Variants in MLLT3 observed in about 807,000 individuals in gnomAD.
The protein encoded by MLLT3 is protein AF-9.
A neutral mutation model predicts 53.2 loss-of-function variants in MLLT3; 4 were observed. That is an observed-to-expected ratio of 0.08 (90% CI 0.04 to 0.17). The LOEUF is 0.17. Among genes scored for constraint, MLLT3 ranks in the 10% least tolerant of loss-of-function variants. The pLI is 1.00. For synonymous variants in MLLT3, 283 were observed against 230.6 expected (o/e 1.23, Z -2.06); for missense variants, 569 against 684.0 (o/e 0.83, Z 1.87).
chr9:20,487,403 C>A (rs1018547654), intron 2 of MLLT3, among the ~76,000 whole-genome samples: 9 of 152,040 alleles, frequency 5.9e-5, no homozygotes, highest in Non-Finnish European at 7.4e-5. Flanking sequence ...AAGTTATTTA[C>A]AAAATAAATT....
intron 5 of MLLT3, among the ~76,000 whole-genome samples, chr9:20,376,088 C>T (rs1332062297): frequency 1.3e-5 from 2 of 152,018 alleles, no homozygotes; most frequent in Non-Finnish European, 2.9e-5. Context: ...CCCATAATAT[C>T]CAAGAAAAAA....
intron 4 of MLLT3, among the ~76,000 whole-genome samples, chr9:20,433,025 C>T (rs370317153): frequency 1.2e-4 from 18 of 151,950 alleles, no homozygotes; most frequent in Non-Finnish European, 2.2e-4. Context: ...TTGGAGCTAA[C>T]GCAAGTGATG....
intron 3 of MLLT3, among the ~76,000 whole-genome samples, chr9:20,452,442 T>C (rs1442262549): frequency 6.6e-6 from 1 of 152,206 alleles, no homozygotes; most frequent in African/African-American, 2.4e-5. Flanking sequence ...TGTAAGTTTC[T>C]TGAGGCCTTC....
intron 2 of MLLT3, among the ~76,000 whole-genome samples, chr9:20,467,903 A>C (rs909185896): frequency 1.3e-5 from 2 of 152,382 alleles, no homozygotes; most frequent in African/African-American, 4.8e-5. Context: ...ACTTAAATCA[A>C]GGGCTCATTG....
chr9:20,456,866 T>C lies in MLLT3; in HGVS notation c.194-80A>G, dbSNP rs3906160. The C allele has an allele frequency of 4.3e-3, 4,616 of 1,067,226 alleles. 14 individuals carry two copies. The highest frequency in any genetic ancestry group is 5.7e-3 in the Admixed American group (216 of 37,794). 66.1% of individuals were successfully genotyped at this position (1,067,226 alleles called of 1,614,324 possible). Reference sequence around the variant, plus strand: ...TCTTCTTTTAAAAAAAAAAATCCCATTCTACCATCTAGATCACACGCAATT... The same window carrying C: ...TCTTCTTTTAAAAAAAAAAATCCCACTCTACCATCTAGATCACACGCAATT... On this transcript the variant is annotated intron_variant, in intron 2 of 10. Transcript: ENST00000380338.
chr9:20,607,899 G>T (rs989624171), intron 2 of MLLT3, among the ~76,000 whole-genome samples: 6 of 151,828 alleles, frequency 4.0e-5, no homozygotes, highest in African/African-American at 1.4e-4. Context: ...ATATCAATCT[G>T]CATTGTATAT....
chr9:20,377,922 T>G (rs1045888906), intron 5 of MLLT3, among the ~76,000 whole-genome samples: 1 of 152,076 alleles, frequency 6.6e-6, no homozygotes, highest in Non-Finnish European at 1.5e-5. Flanking sequence ...CTACTGATAG[T>G]TGCAAGGGTT....
chr9:20,483,808 C>G (rs952810024), intron 2 of MLLT3, among the ~76,000 whole-genome samples: 2 of 149,992 alleles, frequency 1.3e-5, no homozygotes, highest in Non-Finnish European at 3.0e-5. Context: ...CCCGAGTTCA[C>G]GCCATTCTCC....
intron 2 of MLLT3, among the ~76,000 whole-genome samples, chr9:20,585,599 C>CCATTCTAATGGTATGTAGTGGTAT (rs1160612836): frequency 6.6e-6 from 1 of 152,206 alleles, no homozygotes; most frequent in Non-Finnish European, 1.5e-5. Context: ...TAAATCTTCA[C>CCATTCTAATGGTATGTAGTGGTAT]CATTCTAATG....
intron 2 of MLLT3, among the ~76,000 whole-genome samples, chr9:20,593,761 G>T (rs377317174): frequency 6.6e-6 from 1 of 152,262 alleles, no homozygotes; most frequent in Admixed American, 6.5e-5. Flanking sequence ...TTCTGGGCAC[G>T]TACTGGAATC....
intron 4 of MLLT3, among the ~76,000 whole-genome samples, chr9:20,436,859 A>T (rs538813558): frequency 6.6e-6 from 1 of 152,194 alleles, no homozygotes; most frequent in Non-Finnish European, 1.5e-5. Flanking sequence ...TGTATTAAAA[A>T]TAATGAAAGT....
intron 4 of MLLT3, among the ~76,000 whole-genome samples, chr9:20,420,343 A>C (rs925725769): frequency 6.6e-6 from 1 of 152,204 alleles, no homozygotes; most frequent in Non-Finnish European, 1.5e-5. Context: ...AGATCAGATA[A>C]AGGCTGTTAC....
chr9:20,346,409 A>C lies in MLLT3; in HGVS notation c.*34T>G. 1.4e-6 allele frequency: 2 copies of C among 1,471,548 alleles called. No individual in the cohort carries two copies. The highest frequency in any genetic ancestry group is 1.8e-6 in the Non-Finnish European group (2 of 1,109,524). 91.2% of individuals were successfully genotyped at this position (1,471,548 alleles called of 1,614,324 possible). A position where few individuals can be genotyped will look rare whatever the true frequency, so the allele number is the denominator to read the frequency against. The stretch of plus-strand genomic sequence containing the variant: ...AAAAAAAAAACCAAAAAAAAAAAAC[A>C]CAATAGTTCTTGATGCATCCAGTTG... On this transcript the variant is annotated 3_prime_UTR_variant, in exon 11 of 11. Coordinates refer to ENST00000380338, the MANE Select transcript of MLLT3 (RefSeq NM_004529.4).
intron 4 of MLLT3, among the ~76,000 whole-genome samples, chr9:20,429,985 T>C (rs1823226963): frequency 6.6e-6 from 1 of 152,154 alleles, no homozygotes; most frequent in South Asian, 2.1e-4. Flanking sequence ...TCACATTTAA[T>C]TGTCCACACA....
chr9:20,390,591 TTTA>T (rs1207883219), intron 5 of MLLT3, among the ~76,000 whole-genome samples: 1 of 152,192 alleles, frequency 6.6e-6, no homozygotes, highest in East Asian at 1.9e-4. Flanking sequence ...TGGAGTGTAT[TTTA>T]TTGTTTAAAG....
At chr9:20,580,446 G>C (rs1264736183) in intron 2 of MLLT3, among the ~76,000 whole-genome samples, 1 of 151,584 alleles carries the variant, frequency 6.6e-6, no homozygotes, top group East Asian at 1.9e-4. Context: ...TTTCAGTCTT[G>C]AATAAATTCA....
intron 4 of MLLT3, among the ~76,000 whole-genome samples, chr9:20,427,333 C>T (rs962974569): frequency 3.3e-5 from 5 of 149,374 alleles, no homozygotes; most frequent in African/African-American, 1.2e-4. Flanking sequence ...CTGTTGGAAT[C>T]AATATCTCAA....
At chr9:20,598,655 T>C (rs942922085) in intron 2 of MLLT3, among the ~76,000 whole-genome samples, 2 of 152,208 alleles carry the variant, frequency 1.3e-5, no homozygotes, top group Non-Finnish European at 2.9e-5. Context: ...TTACCAGAAG[T>C]GATGATCAGT....
chr9:20,550,546 C>A (rs1456887379), intron 2 of MLLT3, among the ~76,000 whole-genome samples: 4 of 151,644 alleles, frequency 2.6e-5, no homozygotes, highest in African/African-American at 9.7e-5. Flanking sequence ...TCCTCCCACC[C>A]CACGAGTAAC....
Sources: gnomAD v4.1 joint callset for allele counts (sites outside exome capture counted in the v4.1 genomes callset) on GRCh38, gnomAD v4.1.1 for gene constraint, MANE v1.5 for transcripts, NCBI Gene and HGNC (gene_info 2026-07-23, HGNC 2026-07-21) for gene names.